Variants in SRGAP2B observed in about 807,000 individuals in gnomAD.
The protein encoded by SRGAP2B is SLIT-ROBO Rho GTPase-activating protein 2B.
A neutral mutation model predicts 22.2 loss-of-function variants in SRGAP2B; 9 were observed. The observed-to-expected ratio is 0.41, with a 90% confidence interval of 0.24 to 0.71. SRGAP2B has a LOEUF of 0.71. SRGAP2B is among the 30% of genes least tolerant of loss of function. The probability of loss-of-function intolerance (pLI) is 0.35; values close to 1 mark genes in which losing one functional copy is unlikely to be tolerated. For synonymous variants in SRGAP2B, 36 were observed against 87.4 expected (o/e 0.41, Z 3.28); for missense variants, 114 against 235.8 (o/e 0.48, Z 3.38).
chr1:144,997,164 C>G (rs1344697886), intron 2 of SRGAP2B, among the ~76,000 whole-genome samples: 8 of 150,534 alleles, frequency 5.3e-5, no homozygotes, highest in Non-Finnish European at 1.2e-4. Flanking sequence ...CGCGGTGGCT[C>G]ACGCCTGTAA....
intron 2 of SRGAP2B, among the ~76,000 whole-genome samples, chr1:145,068,327 A>C (rs1553632777): frequency 6.9e-6 from 1 of 144,696 alleles, no homozygotes; most frequent in Non-Finnish European, 1.5e-5. Flanking sequence ...ATACATAATC[A>C]TGTGTTGAGT....
At chr1:144,925,765 AAGAAAGAAAGAAAG>A (rs1664665755) in intron 4 of SRGAP2B, among the ~76,000 whole-genome samples, 1 of 143,990 alleles carries the variant, frequency 6.9e-6, no homozygotes, top group East Asian at 2.0e-4. Flanking sequence ...GAAAGAAAGA[AAGAAAGAAAGAAAG>A]AAAGAAAGAA....
At chr1:144,997,409 C>A (rs1180286149) in intron 2 of SRGAP2B, among the ~76,000 whole-genome samples, 5 of 150,388 alleles carry the variant, frequency 3.3e-5, no homozygotes, top group Admixed American at 3.3e-4. Flanking sequence ...CCAGCCTGGG[C>A]GACAGAGCAA....
At chr1:145,021,729 T>A (rs1262532747) in intron 2 of SRGAP2B, among the ~76,000 whole-genome samples, 3 of 148,550 alleles carry the variant, frequency 2.0e-5, no homozygotes, top group Non-Finnish European at 4.4e-5. Context: ...CAGGAGAATC[T>A]CTTGAACCCA....
At chr1:145,012,918 C>G (rs189718146) in intron 2 of SRGAP2B, among the ~76,000 whole-genome samples, 1 of 148,706 alleles carries the variant, frequency 6.7e-6, no homozygotes, top group East Asian at 1.9e-4. Context: ...AACCCCATCT[C>G]TACTAGAAAT....
At chr1:144,964,533 A>G (rs1434164102) in intron 3 of SRGAP2B, among the ~76,000 whole-genome samples, 1 of 150,762 alleles carries the variant, frequency 6.6e-6, no homozygotes, top group African/African-American at 2.5e-5. Context: ...GCTGAGTGGT[A>G]TAAGAGAAGC....
intron 3 of SRGAP2B, among the ~76,000 whole-genome samples, chr1:144,962,209 C>T (rs1454193959): frequency 4.2e-5 from 4 of 96,288 alleles, no homozygotes; most frequent in Non-Finnish European, 6.2e-5. Context: ...AAATTGTCTT[C>T]GGTAGCCTAG....
intron 4 of SRGAP2B, among the ~76,000 whole-genome samples, chr1:144,943,737 G>A (rs1379227966): frequency 6.7e-6 from 1 of 148,392 alleles, no homozygotes; most frequent in African/African-American, 2.6e-5. Context: ...ACACTGGAAA[G>A]AATAACTTCC....
intron 3 of SRGAP2B, among the ~76,000 whole-genome samples, chr1:144,957,961 T>C (rs1366392736): frequency 6.7e-6 from 1 of 149,884 alleles, no homozygotes; most frequent in Non-Finnish European, 1.5e-5. Context: ...ACTGGTTCTT[T>C]CCCTATAGCA....
intron 4 of SRGAP2B, among the ~76,000 whole-genome samples, chr1:144,941,060 T>C (rs1434621524): frequency 6.7e-6 from 1 of 149,150 alleles, no homozygotes; most frequent in Non-Finnish European, 1.5e-5. Context: ...TTAATCATGA[T>C]TCCAAGTAAT....
chr1:145,009,326 C>T (rs1432782041), intron 2 of SRGAP2B, among the ~76,000 whole-genome samples: 1 of 150,422 alleles, frequency 6.6e-6, no homozygotes, highest in Non-Finnish European at 1.5e-5. Flanking sequence ...CGGTGGCTCA[C>T]GCCTGTAATC....
intron 3 of SRGAP2B, 103 bp downstream of exon 3, chr1:144,994,905 G>A (rs1670550947): frequency 3.3e-6 from 2 of 607,440 alleles, no homozygotes; most frequent in East Asian, 3.0e-5. Context: ...TCTGAAGCCA[G>A]GGGCTCCTGA....
intron 4 of SRGAP2B, among the ~76,000 whole-genome samples, chr1:144,920,733 A>G (rs1164149497): frequency 2.0e-5 from 3 of 150,110 alleles, no homozygotes; most frequent in Non-Finnish European, 4.4e-5. Context: ...ATAACTCACT[A>G]CATTTATTTT....
rs1393904543 is a variant in SRGAP2B, at chr1:144,964,940, G to A, written c.261-9339C>T. 2.0e-5 allele frequency: 18 copies of A among 882,598 alleles called. No individual in the cohort carries two copies. In the African/African-American group the frequency reaches 2.6e-4, roughly 13 times the overall value. 54.7% of individuals were successfully genotyped at this position (882,598 alleles called of 1,614,324 possible). Reference sequence around the variant, plus strand: ...CTTAAAAAATAAATAAATAGAGACGGAGGTAGAGGGAGGACACAGAGCCGC... The same window carrying A: ...CTTAAAAAATAAATAAATAGAGACGAAGGTAGAGGGAGGACACAGAGCCGC... On this transcript the variant is annotated intron_variant, in intron 3 of 9. Coordinates refer to ENST00000612199, the Ensembl canonical transcript of SRGAP2B.
At chr1:144,911,984 T>G (rs1663456901) in intron 5 of SRGAP2B, among the ~76,000 whole-genome samples, 1 of 138,740 alleles carries the variant, frequency 7.2e-6, no homozygotes, top group Non-Finnish European at 1.5e-5. Context: ...AGAGTCTCGC[T>G]CTGTTGCCCA....
intron 4 of SRGAP2B, among the ~76,000 whole-genome samples, chr1:144,925,644 A>C (rs1664617022): frequency 6.9e-6 from 1 of 144,090 alleles, no homozygotes; most frequent in Non-Finnish European, 1.5e-5. Flanking sequence ...ACTCAGAAAA[A>C]AAAAAAAAAA....
At position 144,957,048 on chromosome 1, in the gene SRGAP2B, T is replaced by C. The variant is rs1186599460; in HGVS notation, c.261-1447A>G. 3.3e-5 allele frequency among the ~76,000 whole-genome samples: 5 copies of C among 150,726 alleles called. No individual in the cohort carries two copies. In the East Asian group the frequency reaches 7.8e-4, roughly 23 times the overall value. ...TTTTTAAACACTTTGCCCAAGGTCA[T>C]ATAGCTAAAAAGTGGCAATTCCAGA... On this transcript the variant is annotated intron_variant, in intron 3 of 9. Transcript: ENST00000612199.
At chr1:145,075,798 T>G (rs1437741809) in intron 2 of SRGAP2B, among the ~76,000 whole-genome samples, 1 of 148,296 alleles carries the variant, frequency 6.7e-6, no homozygotes, top group Non-Finnish European at 1.5e-5. Flanking sequence ...ATTTAAGAAC[T>G]ACTCTGAGGC....
intron 2 of SRGAP2B, among the ~76,000 whole-genome samples, chr1:145,007,559 G>T (rs1671688015): frequency 6.6e-6 from 1 of 150,552 alleles, no homozygotes; most frequent in Non-Finnish European, 1.5e-5. Flanking sequence ...CACTGGAGAG[G>T]CCGCAGAGAA....
Sources: allele counts gnomAD v4.1 joint callset (sites outside exome capture counted in the v4.1 genomes callset), GRCh38; gene constraint gnomAD v4.1.1; transcripts MANE v1.5; gene names NCBI Gene and HGNC (gene_info 2026-07-23, HGNC 2026-07-21).